Variants in SNX27 observed in about 807,000 individuals in gnomAD.
SNX27 encodes sorting nexin-27.
SNX27 carries 22 observed loss-of-function variants against 71.6 expected under a neutral mutation model. That is an observed-to-expected ratio of 0.31 (90% confidence interval 0.22 to 0.44). The LOEUF (loss-of-function observed/expected upper bound fraction) is 0.44. SNX27 is among the 20% of genes least tolerant of loss of function. The pLI is 1.00. For synonymous variants in SNX27, 269 were observed against 277.2 expected, an observed-to-expected ratio of 0.97 and a Z score of 0.29; for missense variants, 531 against 698.6, an observed-to-expected ratio of 0.76 and a Z score of 2.70.
At chr1:151,693,633 C>G (rs781653869) in intron 11 of SNX27, 150 bp downstream of exon 11, 1 of 1,613,610 alleles carries the variant, frequency 6.2e-7, no homozygotes, top group Admixed American at 1.7e-5. Context: ...TGAGCCAGGA[C>G]ATTCTTCCAG....
At chr1:151,651,912 A>G (rs1370292456) in intron 2 of SNX27, among the ~76,000 whole-genome samples, 1 of 151,936 alleles carries the variant, frequency 6.6e-6, no homozygotes, top group Non-Finnish European at 1.5e-5. Context: ...CCTGGGCACC[A>G]TTGAGCACTG....
intron 7 of SNX27, among the ~76,000 whole-genome samples, chr1:151,671,236 C>CT (rs34972986): frequency 0.018 from 2,461 of 138,788 alleles, 75 homozygotes; most frequent in African/African-American, 0.054. Context: ...CAGTTTTGTT[C>CT]TTTTTTTTTT....
chr1:151,616,860 G>T (rs1667446428), intron 1 of SNX27, among the ~76,000 whole-genome samples: 1 of 152,088 alleles, frequency 6.6e-6, no homozygotes, highest in African/African-American at 2.4e-5. Flanking sequence ...ACCTTTTAAG[G>T]GTTATGATTC....
chr1:151,652,622 A>T (rs1348090534), intron 2 of SNX27, among the ~76,000 whole-genome samples: 5 of 151,916 alleles, frequency 3.3e-5, no homozygotes, highest in Non-Finnish European at 7.4e-5. Context: ...CATATTGGCC[A>T]GGCTGGTCTC....
intron 1 of SNX27, among the ~76,000 whole-genome samples, chr1:151,629,013 C>T (rs1401414782): frequency 6.6e-6 from 1 of 152,076 alleles, no homozygotes; most frequent in Admixed American, 6.6e-5. Flanking sequence ...TTTTTTCCTT[C>T]ATGGATCATG....
intron 7 of SNX27, among the ~76,000 whole-genome samples, chr1:151,682,381 G>A (rs985378717): frequency 3.3e-5 from 5 of 152,178 alleles, no homozygotes; most frequent in Non-Finnish European, 4.4e-5. Flanking sequence ...GAGTGCAGTG[G>A]CATGATCTCA....
At chr1:151,629,706 C>CCT (rs963425124) in intron 1 of SNX27, among the ~76,000 whole-genome samples, 8 of 150,698 alleles carry the variant, frequency 5.3e-5, no homozygotes, top group African/African-American at 1.7e-4. Context: ...GCCTGAGCCT[C>CCT]CTGAGGGTCT....
chr1:151,637,505 T>C (rs1423874412), intron 1 of SNX27, among the ~76,000 whole-genome samples: 1 of 152,234 alleles, frequency 6.6e-6, no homozygotes, highest in Non-Finnish European at 1.5e-5. Flanking sequence ...ATCACAGGTC[T>C]GACTGAATGA....
intron 2 of SNX27, among the ~76,000 whole-genome samples, chr1:151,642,887 G>A (rs1302438410): frequency 1.3e-5 from 2 of 152,058 alleles, no homozygotes; most frequent in Admixed American, 6.6e-5. Flanking sequence ...TGGTCCACCC[G>A]CCTCGGCCTC....
intron 7 of SNX27, among the ~76,000 whole-genome samples, chr1:151,673,657 G>A (rs1009636938): frequency 3.3e-5 from 5 of 152,144 alleles, no homozygotes; most frequent in African/African-American, 1.2e-4. Context: ...ATTAGAGTCT[G>A]TCTCTCTCTT....
Position 151,692,385 on chromosome 1 carries a change from C to T in SNX27, c.1240-50C>T, listed in dbSNP as rs763365797. On this transcript the variant is annotated intron_variant, in intron 8 of 11. Coordinates refer to ENST00000458013, the MANE Select transcript of SNX27 (RefSeq NM_001330723.2). ...TTATTGTGTTTAATACCATAGTAAC[C>T]CTGTTTCCTGTTTCTCCTTCCTTTT... 13 of 1,475,574 alleles carry T rather than the reference C, an allele frequency of 8.8e-6. No individual in the cohort carries two copies. In the Middle Eastern group the frequency reaches 6.9e-4, roughly 78 times the overall value. 91.4% of individuals were successfully genotyped at this position (1,475,574 alleles called of 1,614,324 possible).
Position 151,632,162 on chromosome 1 carries a change from G to GT in SNX27, c.312-6714dup, listed in dbSNP as rs553648123. On this transcript the variant is annotated intron_variant, in intron 1 of 11. Transcript: ENST00000458013. ...AACTTTATAATTTGTTGCGGAGGTT[G>GT]TTTTTTTTTTTTGAGATGGAGTTTT... 6.4e-3 allele frequency among the ~76,000 whole-genome samples: 911 copies of GT among 143,194 alleles called. 6 individuals are homozygous for GT. The highest frequency in any genetic ancestry group is 0.011 in the African/African-American group (417 of 39,488). The allele number at this position is 143,194 out of a possible 152,430, so 93.9% of individuals were successfully genotyped here.
intron 2 of SNX27, among the ~76,000 whole-genome samples, chr1:151,655,384 C>T (rs1669636242): frequency 6.6e-6 from 1 of 152,142 alleles, no homozygotes; most frequent in Admixed American, 6.5e-5. Context: ...GATAATAGTT[C>T]TTTCCTTAGA....
intron 2 of SNX27, among the ~76,000 whole-genome samples, chr1:151,657,210 A>G (rs919308583): frequency 3.9e-5 from 6 of 152,142 alleles, no homozygotes; most frequent in Admixed American, 1.3e-4. Flanking sequence ...GTGTCCTTCT[A>G]TTGTCCAGGC....
intron 1 of SNX27, among the ~76,000 whole-genome samples, chr1:151,632,314 C>T (rs1482492411): frequency 3.3e-5 from 5 of 151,430 alleles, no homozygotes; most frequent in Non-Finnish European, 7.4e-5. Context: ...TGCGCCACCA[C>T]GCCCGGCTAA....
chr1:151,621,382 T>C (rs984556222), intron 1 of SNX27, among the ~76,000 whole-genome samples: 1 of 152,228 alleles, frequency 6.6e-6, no homozygotes, highest in Non-Finnish European at 1.5e-5. Flanking sequence ...AGTACTCTTA[T>C]GTGTACTTCC....
intron 3 of SNX27, among the ~76,000 whole-genome samples, chr1:151,658,962 G>A (rs1202115680): frequency 1.3e-5 from 2 of 152,220 alleles, no homozygotes; most frequent in Non-Finnish European, 2.9e-5. Context: ...GGGATTACAT[G>A]GACCTTTATT....
At chr1:151,648,483 G>A (rs989056729) in intron 2 of SNX27, among the ~76,000 whole-genome samples, 11 of 151,844 alleles carry the variant, frequency 7.2e-5, no homozygotes, top group African/African-American at 2.7e-4. Context: ...GCAATAGCGC[G>A]ATCTTGGCTC....
Position 151,612,241 on chromosome 1 carries a change from C to T in SNX27, c.40C>T (p.Pro14Ser), listed in dbSNP as rs754474112. ...EDGEGIHPSAPHRNGGGGGGG... is the reference protein window; with the variant it reads ...EDGEGIHPSASHRNGGGGGGG... ...CGGGGAAGGGATTCATCCCTCAGCCCCTCACAGGAACGGAGGTGGCGGCGG... is the reference window on the plus strand; with the variant it reads ...CGGGGAAGGGATTCATCCCTCAGCCTCTCACAGGAACGGAGGTGGCGGCGG... Residue 14 changes from proline to serine, a missense_variant, in exon 1 of 12, where the codon CCT becomes TCT. By Grantham distance (74) the Pro-to-Ser change is moderately conservative (BLOSUM62 -1). Coordinates refer to ENST00000458013, the MANE Select transcript of SNX27 (RefSeq NM_001330723.2). This position sits in a 1 kb window ranked among gnomAD's most constrained non-coding sequence, Gnocchi z 5.2. 19 of 1,430,560 alleles carry T rather than the reference C, an allele frequency of 1.3e-5. No individual in the cohort carries two copies. Among genetic ancestry groups the T allele is most frequent in the Middle Eastern group, 1.9e-4 (1 of 5,386 alleles). The allele number at this position is 1,430,560 out of a possible 1,614,324, so 88.6% of individuals were successfully genotyped here.
Sources: allele counts gnomAD v4.1 joint callset (sites outside exome capture counted in the v4.1 genomes callset), GRCh38; gene constraint gnomAD v4.1.1; non-coding constraint Gnocchi (gnomAD v3.1); transcripts MANE v1.5; gene names NCBI Gene and HGNC (gene_info 2026-07-23, HGNC 2026-07-21).